The following CDK14 variants were observed in gnomAD, a reference collection of about 807,000 sequenced individuals.
CDK14 encodes cyclin dependent kinase 14.
In CDK14, 34 loss-of-function variants were observed where a neutral mutation model predicts 60.7. That is an observed-to-expected ratio of 0.56 (90% CI 0.43 to 0.75). The LOEUF (loss-of-function observed/expected upper bound fraction) is 0.75, where lower values mean the gene tolerates loss of function less well. CDK14 is among the 30% of genes least tolerant of loss of function. CDK14 has a pLI of 0.00. For missense variants in CDK14, 482 were observed against 564.1 expected (o/e 0.85, Z 1.47); for synonymous variants, 197 against 203.7 (o/e 0.97, Z 0.28).
chr7:90,873,436 T>C (rs145558172), intron 6 of CDK14, among the ~76,000 whole-genome samples: 38 of 152,346 alleles, frequency 2.5e-4, no homozygotes, highest in Non-Finnish European at 4.4e-4. Flanking sequence ...TAAATGCCTG[T>C]CATGAAAATG....
intron 14 of CDK14, among the ~76,000 whole-genome samples, chr7:91,173,441 GGT>G (rs1562980913): frequency 4.5e-5 from 6 of 132,132 alleles, no homozygotes; most frequent in East Asian, 2.3e-4. Flanking sequence ...AAAAAAAAAA[GGT>G]GGGGAGGAGC....
At chr7:90,984,521 T>C (rs1251790063) in intron 10 of CDK14, among the ~76,000 whole-genome samples, 3 of 152,120 alleles carry the variant, frequency 2.0e-5, no homozygotes, top group African/African-American at 4.8e-5. Flanking sequence ...GACAGAATAA[T>C]TCCAAATAAT....
intron 6 of CDK14, among the ~76,000 whole-genome samples, chr7:90,881,981 A>C (rs1791770364): frequency 6.6e-6 from 1 of 152,194 alleles, no homozygotes; most frequent in African/African-American, 2.4e-5. Context: ...CAGTGCAAAA[A>C]TACACCAAAA....
At chr7:91,135,139 C>T (rs1800238212) in intron 14 of CDK14, among the ~76,000 whole-genome samples, 1 of 151,856 alleles carries the variant, frequency 6.6e-6, no homozygotes, top group African/African-American at 2.4e-5. Context: ...CCGTACTTTT[C>T]AATTTCCACC....
intron 11 of CDK14, among the ~76,000 whole-genome samples, chr7:91,060,670 G>A (rs1797753867): frequency 6.6e-6 from 1 of 152,120 alleles, no homozygotes; most frequent in African/African-American, 2.4e-5. Context: ...ACTTAGTTTG[G>A]CTGGATATGA....
intron 14 of CDK14, among the ~76,000 whole-genome samples, chr7:91,135,348 A>G (rs1286008766): frequency 6.6e-6 from 1 of 152,166 alleles, no homozygotes; most frequent in Non-Finnish European, 1.5e-5. Context: ...TATGCAGGGA[A>G]TAGTTAATTA....
rs1563029655 is a variant in CDK14, at chr7:90,649,260, C to CTTTGTTTCTTTGTTTCTTTG, written c.123+45014_123+45015insGTTTCTTTGTTTCTTTGTTT. ...AGTTTCTTTCTTTCTTTCTTTCTTT[C>CTTTGTTTCTTTGTTTCTTTG]TTTCTTTCTTTCTTTCTTTCTTTCT... On this transcript the variant is annotated intron_variant, in intron 2 of 14. Coordinates refer to ENST00000380050, the MANE Select transcript of CDK14 (RefSeq NM_001287135.2). Among the ~76,000 whole-genome samples, 32 of 42,952 alleles carry CTTTGTTTCTTTGTTTCTTTG rather than the reference C, an allele frequency of 7.5e-4. 1 individual carries two copies. Among genetic ancestry groups the CTTTGTTTCTTTGTTTCTTTG allele is most frequent in the African/African-American group, 3.0e-3 (32 of 10,716 alleles). The allele number at this position is 42,952 out of a possible 152,430, so 28.2% of individuals were successfully genotyped here. A position where few individuals can be genotyped will look rare whatever the true frequency, so the allele number is the denominator to read the frequency against.
intron 14 of CDK14, among the ~76,000 whole-genome samples, chr7:91,152,921 T>C (rs1052472353): frequency 9.2e-5 from 14 of 152,188 alleles, no homozygotes; most frequent in African/African-American, 3.4e-4. Flanking sequence ...TTTCCATGTA[T>C]GTCAAGAACA....
chr7:90,922,177 A>G (rs1793272848), intron 8 of CDK14, among the ~76,000 whole-genome samples: 1 of 152,190 alleles, frequency 6.6e-6, no homozygotes, highest in Non-Finnish European at 1.5e-5. Flanking sequence ...TTAAGGTTAG[A>G]TATAACTTAG....
chr7:90,605,289 G>A (rs113042685), intron 2 of CDK14, among the ~76,000 whole-genome samples: 1 of 152,160 alleles, frequency 6.6e-6, no homozygotes, highest in African/African-American at 2.4e-5. Flanking sequence ...GGCTGTCACG[G>A]TCTGCTGCTT....
At chr7:90,687,799 T>C (rs1193172429) in intron 2 of CDK14, among the ~76,000 whole-genome samples, 1 of 152,168 alleles carries the variant, frequency 6.6e-6, no homozygotes, top group Non-Finnish European at 1.5e-5. Flanking sequence ...AAATACATTA[T>C]ATTAATCTTG....
At chr7:90,899,799 A>G (rs1792444595) in intron 7 of CDK14, among the ~76,000 whole-genome samples, 1 of 151,990 alleles carries the variant, frequency 6.6e-6, no homozygotes. Flanking sequence ...ACTTTCTGCT[A>G]CTCTTTTTCC....
chr7:91,141,901 C>A (rs1460186351), intron 14 of CDK14, among the ~76,000 whole-genome samples: 2 of 152,126 alleles, frequency 1.3e-5, no homozygotes, highest in Non-Finnish European at 2.9e-5. Context: ...TCTCCGCTCA[C>A]TGCAAGCTCC....
chr7:90,896,778 A>G (rs1792350297), intron 6 of CDK14, among the ~76,000 whole-genome samples: 1 of 152,196 alleles, frequency 6.6e-6, no homozygotes. Flanking sequence ...AATGAAAAGA[A>G]TTGTATGTCT....
At chr7:90,871,139 T>TA (rs1791360171) in intron 6 of CDK14, among the ~76,000 whole-genome samples, 1 of 152,174 alleles carries the variant, frequency 6.6e-6, no homozygotes, top group East Asian at 1.9e-4. Context: ...GTGGTGGTGA[T>TA]ATGCTGGACC....
intron 2 of CDK14, among the ~76,000 whole-genome samples, chr7:90,708,357 CA>C (rs1206261247): frequency 1.3e-5 from 2 of 151,978 alleles, no homozygotes; most frequent in South Asian, 2.1e-4. Context: ...TAACCAATCA[CA>C]AAAAAGTCAG....
chr7:91,128,780 T>C (rs1800027502), intron 14 of CDK14, among the ~76,000 whole-genome samples: 1 of 152,052 alleles, frequency 6.6e-6, no homozygotes, highest in Admixed American at 6.6e-5. Context: ...CTGGTCTCAT[T>C]GCCTACCCTT....
intron 12 of CDK14, among the ~76,000 whole-genome samples, chr7:91,094,715 T>G (rs1323621962): frequency 6.6e-6 from 1 of 152,186 alleles, no homozygotes; most frequent in Non-Finnish European, 1.5e-5. Context: ...CATCTTGGGT[T>G]CAGAATTTAG....
At chr7:91,009,041 G>A (rs1229328566) in intron 10 of CDK14, among the ~76,000 whole-genome samples, 2 of 151,692 alleles carry the variant, frequency 1.3e-5, no homozygotes, top group Non-Finnish European at 1.5e-5. Context: ...ATCCCCAAGC[G>A]ACTACTGATC....
Sources: gnomAD v4.1 joint callset for allele counts (sites outside exome capture counted in the v4.1 genomes callset) on GRCh38, gnomAD v4.1.1 for gene constraint, MANE v1.5 for transcripts, NCBI Gene and HGNC (gene_info 2026-07-23, HGNC 2026-07-21) for gene names.